Variants in ATAD2 observed in about 807,000 individuals in gnomAD.
ATAD2 encodes the protein ATPase family AAA domain-containing protein 2.
ATAD2 carries 62 observed loss-of-function variants against 168.9 expected under a neutral mutation model. The ratio of observed to expected loss-of-function variants is 0.37; its 90% CI spans 0.30 to 0.45. The LOEUF (loss-of-function observed/expected upper bound fraction) is 0.45. ATAD2 is among the 20% of genes least tolerant of loss of function. The pLI is 1.00. For missense variants in ATAD2, 1,419 were observed against 1,667.8 expected (o/e 0.85, Z 2.60); for synonymous variants, 613 against 571.6 (o/e 1.07, Z -1.03).
At chr8:123,349,140 AT>A in intron 14 of ATAD2, 144 bp downstream of exon 14, 1 of 704,332 alleles carries the variant, frequency 1.4e-6, no homozygotes, top group South Asian at 2.4e-5. Context: ...AAGAATAAAA[AT>A]TTGTCCCCAT....
At position 123,384,551 on chromosome 8, in the gene ATAD2, C is replaced by A. The variant is rs1271653506; in HGVS notation, c.172-3874G>T. ...AATGTCTTCAGAATGGAGGGGCTCC[C>A]TTTGCAGTGCAGTGCCTCCCCAACC... On this transcript the variant is annotated intron_variant, in intron 1 of 27. Coordinates refer to ENST00000287394, the MANE Select transcript of ATAD2 (RefSeq NM_014109.4). Among the ~76,000 whole-genome samples, 3 of 152,180 alleles carry A rather than the reference C, an allele frequency of 2.0e-5. No individual in the cohort carries two copies. In the East Asian group the frequency reaches 5.8e-4, roughly 29 times the overall value.
chr8:123,372,679 C>A lies in ATAD2; in HGVS notation c.328G>T (p.Ala110Ser), dbSNP rs1162461386. The change falls in exon 3 of 28, where the codon GCC (alanine) becomes TCC (serine). Residue 110 changes from alanine to serine, a missense_variant. By Grantham distance (99) the Ala-to-Ser change is moderately conservative. Transcript: ENST00000287394. Reference sequence around the variant, plus strand: ...TTTTTTTTATCAGCCTGCTGTCTGGCCAACTGCCTATATTTTAAAAAATTA... The same window carrying A: ...TTTTTTTTATCAGCCTGCTGTCTGGACAACTGCCTATATTTTAAAAAATTA... ...ANGRHFTRQL[A>S]RQQADKKKEE... 1 of 1,584,968 alleles carries A rather than the reference C, an allele frequency of 6.3e-7. No homozygotes were observed. Among genetic ancestry groups the A allele is most frequent in the Non-Finnish European group, 8.6e-7 (1 of 1,167,208 alleles).
At chr8:123,337,566 C>A in intron 21 of ATAD2, 59 bp downstream of exon 21, 2 of 1,435,486 alleles carry the variant, frequency 1.4e-6, no homozygotes, top group Non-Finnish European at 1.9e-6. Flanking sequence ...CTTCAAATAT[C>A]CTTTGATTGT....
chr8:123,389,219 G>T (rs1325286737), intron 1 of ATAD2, among the ~76,000 whole-genome samples: 7 of 134,380 alleles, frequency 5.2e-5, no homozygotes, highest in Non-Finnish European at 1.1e-4. Flanking sequence ...CTCCTGATCC[G>T]CCCGCCTTGG....
intron 19 of ATAD2, among the ~76,000 whole-genome samples, chr8:123,341,424 AAC>A (rs1828058094): frequency 6.6e-6 from 1 of 152,218 alleles, no homozygotes; most frequent in African/African-American, 2.4e-5. Context: ...CAAAATGATT[AAC>A]AGTTTCAGTT....
chr8:123,353,030 G>A (rs1213421347), intron 13 of ATAD2, among the ~76,000 whole-genome samples: 2 of 151,612 alleles, frequency 1.3e-5, no homozygotes, highest in Non-Finnish European at 2.9e-5. Context: ...TCATGCTACT[G>A]CACTCCAGCC....
upstream of ATAD2, among the ~76,000 whole-genome samples, chr8:123,397,856 G>T (rs558459443): frequency 1.3e-5 from 2 of 152,254 alleles, no homozygotes; most frequent in South Asian, 4.1e-4. Flanking sequence ...GGAAGGTCTG[G>T]CTGAGAAGTC....
At chr8:123,323,537 T>C (rs908628296) in intron 26 of ATAD2, among the ~76,000 whole-genome samples, 1 of 152,206 alleles carries the variant, frequency 6.6e-6, no homozygotes, top group Admixed American at 6.5e-5. Context: ...TTTTTTCTCA[T>C]GACTAAAATG....
chr8:123,339,898 T>C (rs1225176708), intron 19 of ATAD2, among the ~76,000 whole-genome samples: 16 of 138,878 alleles, frequency 1.2e-4, no homozygotes, highest in Non-Finnish European at 1.6e-5. Context: ...TTTTGTTTTC[T>C]TTTTTTTTTT....
chr8:123,390,991 G>A (rs1335815298), intron 1 of ATAD2, among the ~76,000 whole-genome samples: 1 of 151,872 alleles, frequency 6.6e-6, no homozygotes, highest in Non-Finnish European at 1.5e-5. Context: ...CTGCATTCTA[G>A]CCTGGGCGAC....
In ATAD2 at chr8:123,402,842, T is replaced by TAATAAA. The variant is rs1813024375; in HGVS notation, c.-2281-1668_-2281-1667insTTTATT. ...ATAATAATAATAATAATAATAATAATAAAAATCAACACACTACACACAGCT... is the reference window on the plus strand; with the variant it reads ...ATAATAATAATAATAATAATAATAATAATAAAAAAAATCAACACACTACACACAGCT... On this transcript the variant is annotated intron_variant, in intron 1 of 28. Coordinates refer to the ATAD2 transcript ENST00000521903. This position sits in a 1 kb window ranked among gnomAD's most constrained non-coding sequence, Gnocchi z 4.8. 7.7e-6 allele frequency among the ~76,000 whole-genome samples: 1 copy of TAATAAA among 129,708 alleles called. No homozygotes were observed. Among genetic ancestry groups the TAATAAA allele is most frequent in the African/African-American group, 2.9e-5 (1 of 34,516 alleles). The allele number at this position is 129,708 out of a possible 152,430, so 85.1% of individuals were successfully genotyped here.
intron 14 of ATAD2, among the ~76,000 whole-genome samples, chr8:123,348,512 A>G (rs1282288583): frequency 6.6e-6 from 1 of 152,126 alleles, no homozygotes; most frequent in East Asian, 1.9e-4. Context: ...ACCACTCTCT[A>G]CTAAAAATAC....
intron 1 of ATAD2, among the ~76,000 whole-genome samples, chr8:123,391,626 G>A (rs1829828715): frequency 6.6e-6 from 1 of 152,034 alleles, no homozygotes; most frequent in Admixed American, 6.6e-5. Flanking sequence ...ATATGTGGCT[G>A]AGGAAACTAA....
At chr8:123,344,228 A>C (rs973195219) in intron 19 of ATAD2, among the ~76,000 whole-genome samples, 12 of 152,216 alleles carry the variant, frequency 7.9e-5, no homozygotes, top group Non-Finnish European at 1.3e-4. Context: ...ACAGTGGAAA[A>C]ACCATGCAGC....
chr8:123,404,565 C>CTT (rs573902645), intron 1 of ATAD2, among the ~76,000 whole-genome samples: 4 of 142,884 alleles, frequency 2.8e-5, no homozygotes. Context: ...CTTTCTCTCT[C>CTT]TTTTTTTTTT....
At chr8:123,335,755 C>G (rs1247016538) in intron 22 of ATAD2, among the ~76,000 whole-genome samples, 2 of 152,098 alleles carry the variant, frequency 1.3e-5, no homozygotes, top group African/African-American at 2.4e-5. Context: ...CACATGAAGT[C>G]AGGGCTTTGG....
chr8:123,322,824 G>A (rs1827507950), intron 27 of ATAD2, 114 bp downstream of exon 27: 1 of 1,105,094 alleles, frequency 9.0e-7, no homozygotes. Context: ...TGGTCTTTAA[G>A]TTCCTACAAT....
At chr8:123,377,532 T>G (rs1165701841) in intron 2 of ATAD2, among the ~76,000 whole-genome samples, 2 of 152,226 alleles carry the variant, frequency 1.3e-5, no homozygotes, top group African/African-American at 4.8e-5. Flanking sequence ...GAAGTTCATC[T>G]ATAAGTTTTA....
Position 123,401,480 on chromosome 8 carries a change from C to T in ATAD2, c.-2281-305G>A, listed in dbSNP as rs558543171. On this transcript the variant is annotated intron_variant, in intron 1 of 28. Coordinates refer to the ATAD2 transcript ENST00000521903. ...CCCACCTCCAGGTGATTGGGGGGAACGTGGTGACAGCAGCCCAGGCCAAGA... is the reference window on the plus strand; with the variant it reads ...CCCACCTCCAGGTGATTGGGGGGAATGTGGTGACAGCAGCCCAGGCCAAGA... 5.5e-5 allele frequency: 87 copies of T among 1,567,758 alleles called. No homozygotes were observed. The African/African-American group carries it at 5.7e-4, about 10-fold the overall frequency.
Sources: gnomAD v4.1 joint callset for allele counts (sites outside exome capture counted in the v4.1 genomes callset) on GRCh38, gnomAD v4.1.1 for gene constraint, Gnocchi (gnomAD v3.1) non-coding constraint, MANE v1.5 for transcripts, NCBI Gene and HGNC (gene_info 2026-07-23, HGNC 2026-07-21) for gene names.